TEKTL1: variants seen among roughly 807,000 people sequenced by gnomAD.
TEKTL1 encodes tektin like 1.
At chr19:15,016,609 A>G in the TEKTL1 span, among the ~76,000 whole-genome samples, 2 of 152,230 alleles carry the variant, frequency 1.3e-5, no homozygotes, top group Admixed American at 6.5e-5. Flanking sequence ...TTTTAACCAA[A>G]TGAATAAATC....
chr19:15,021,855 C>T, the TEKTL1 span: 1 of 1,614,074 alleles, frequency 6.2e-7, no homozygotes, highest in Non-Finnish European at 8.5e-7. Context: ...CTGGACAGAC[C>T]CCTGGTTCGC....
At chr19:15,017,965 C>G in the TEKTL1 span, among the ~76,000 whole-genome samples, 1 of 151,964 alleles carries the variant, frequency 6.6e-6, no homozygotes, top group Non-Finnish European at 1.5e-5. Context: ...GAGGCTGAGG[C>G]AGGAGGATCA....
At chr19:15,013,442 G>A in the TEKTL1 span, among the ~76,000 whole-genome samples, 8 of 151,970 alleles carry the variant, frequency 5.3e-5, no homozygotes, top group Non-Finnish European at 7.4e-5. Flanking sequence ...AAAGAGAGAC[G>A]CCCCCAACCT....
the TEKTL1 span, among the ~76,000 whole-genome samples, chr19:15,014,742 G>GGGGGGGGGGGGGGA: frequency 1.6e-5 from 2 of 125,572 alleles, no homozygotes; most frequent in Admixed American, 8.0e-5. Flanking sequence ...GGGGGGCGGG[G>GGGGGGGGGGGGGGA]GCTGCTGAAA....
chr19:15,012,646 A>T, the TEKTL1 span, among the ~76,000 whole-genome samples: 2,086 of 152,056 alleles, frequency 0.014, 26 homozygotes, highest in Middle Eastern at 0.058. Flanking sequence ...GCCCAAGGAG[A>T]TGAGATCCTC....
chr19:15,010,946 C>T, the TEKTL1 span: 1 of 1,588,818 alleles, frequency 6.3e-7, no homozygotes. Flanking sequence ...TCGCTGCGGG[C>T]AGGAGGCGGT....
chr19:15,021,640 C>G, the TEKTL1 span: 2 of 1,613,998 alleles, frequency 1.2e-6, no homozygotes, highest in East Asian at 2.2e-5. Context: ...GACGTTAGGA[C>G]TGATGAGGGG....
the TEKTL1 span, chr19:15,021,715 C>T: frequency 1.9e-6 from 3 of 1,613,744 alleles, no homozygotes; most frequent in Non-Finnish European, 2.5e-6. Flanking sequence ...CATCAAGGTA[C>T]GGTTCGGGGT....
At chr19:15,012,592 C>G in the TEKTL1 span, among the ~76,000 whole-genome samples, 1 of 152,012 alleles carries the variant, frequency 6.6e-6, no homozygotes, top group African/African-American at 2.4e-5. Flanking sequence ...GATACAGGCC[C>G]AGGAAGAGAT....
the TEKTL1 span, among the ~76,000 whole-genome samples, chr19:15,014,706 C>A: frequency 1.6e-5 from 1 of 60,898 alleles, no homozygotes; most frequent in African/African-American, 8.6e-5. Context: ...AGGGTGTGGA[C>A]GAGGCAGGAG....
the TEKTL1 span, among the ~76,000 whole-genome samples, chr19:15,016,937 C>T: frequency 0.82 from 125,088 of 152,138 alleles, 51,495 homozygotes; most frequent in East Asian, 0.87. Flanking sequence ...CTGGGTGCAG[C>T]GGCTCACATC....
the TEKTL1 span, among the ~76,000 whole-genome samples, chr19:15,022,568 A>T: frequency 6.6e-6 from 1 of 151,986 alleles, no homozygotes; most frequent in Admixed American, 6.6e-5. Context: ...ACCTCAGGTG[A>T]TCCGCCCGCC....
chr19:15,014,243 T>G, the TEKTL1 span, among the ~76,000 whole-genome samples: 1 of 152,166 alleles, frequency 6.6e-6, no homozygotes. Flanking sequence ...AACTTCTTCA[T>G]GAGGGCACAA....
chr19:15,015,694 T>C, the TEKTL1 span, among the ~76,000 whole-genome samples: 3 of 150,796 alleles, frequency 2.0e-5, no homozygotes, highest in Admixed American at 2.0e-4. Context: ...CAGAGCAAGA[T>C]TCTATATAAA....
At chr19:15,012,934 C>CG in the TEKTL1 span, among the ~76,000 whole-genome samples, 1 of 151,864 alleles carries the variant, frequency 6.6e-6, no homozygotes, top group Non-Finnish European at 1.5e-5. Context: ...AAACTCCCCC[C>CG]CAGAATGTTA....
the TEKTL1 span, among the ~76,000 whole-genome samples, chr19:15,015,197 A>T: frequency 6.6e-6 from 1 of 152,024 alleles, no homozygotes; most frequent in Non-Finnish European, 1.5e-5. Flanking sequence ...TGTGAGAGTG[A>T]GAGAGAGAGG....
At chr19:15,021,745 G>A in the TEKTL1 span, 2 of 1,612,714 alleles carry the variant, frequency 1.2e-6, no homozygotes, top group Non-Finnish European at 1.7e-6. Context: ...CGGGGGTGGA[G>A]GCAGGGGTGC....
the TEKTL1 span, chr19:15,013,770 A>G: frequency 1.2e-6 from 2 of 1,609,904 alleles, no homozygotes; most frequent in South Asian, 2.2e-5. Context: ...CAGAGGTCCT[A>G]CTCAAGGTTA....
the TEKTL1 span, among the ~76,000 whole-genome samples, chr19:15,017,289 G>C: frequency 1.3e-5 from 2 of 152,178 alleles, 1 homozygote; most frequent in Non-Finnish European, 2.9e-5. Flanking sequence ...GAGGGGGTCA[G>C]GGAGGGACAG....
Sources: allele counts gnomAD v4.1 joint callset (sites outside exome capture counted in the v4.1 genomes callset), GRCh38; gene constraint gnomAD v4.1.1; transcripts MANE v1.5; gene names NCBI Gene and HGNC (gene_info 2026-07-23, HGNC 2026-07-21).